Variants in ATM observed in about 807,000 individuals in gnomAD.
The protein encoded by ATM is ATM serine/threonine kinase, also known as serine-protein kinase ATM.
A neutral mutation model predicts 387.0 loss-of-function variants in ATM; 308 were observed. The observed-to-expected ratio is 0.80, with a 90% confidence interval of 0.73 to 0.87. ATM has a LOEUF of 0.87. Ranked by LOEUF, ATM falls within the 40% of genes least tolerant of loss-of-function variation. The probability of loss-of-function intolerance (pLI) is 0.00; values close to 1 mark genes in which losing one functional copy is unlikely to be tolerated. For synonymous variants in ATM, 1,156 were observed against 1,187.3 expected (o/e 0.97, Z 0.54); for missense variants, 3,312 against 3,560.9 (o/e 0.93, Z 1.78).
rs863224293 is a variant in ATM at position 108,307,940 on chromosome 11, A to G, written c.5718A>G (p.Gln1906=). Residue 1906 remains glutamine (Q), a synonymous_variant, in exon 38 of 63, where the codon CAA becomes CAG. Transcript: ENST00000675843. ...FFRCCLDKKS[Q]RTMLAVVDYM... ...GATGCTGTTTGGATAAAAAATCACA[A>G]AGAACAATGCTTGCTGTTGTGGACT... The G allele has an allele frequency of 2.5e-6, 4 of 1,613,852 alleles. No homozygotes were observed. Among genetic ancestry groups the G allele is most frequent in the Middle Eastern group, 1.6e-4 (1 of 6,080 alleles).
At position 108,253,881 on chromosome 11, in the gene ATM, A is replaced by G. The variant is rs1064793032; in HGVS notation, c.1966A>G (p.Thr656Ala). Residue 656 changes from threonine to alanine, a missense_variant, in exon 13 of 63, where the codon ACT (threonine) becomes GCT (alanine). Thr to Ala is a moderately conservative substitution (Grantham distance 58). Transcript: ENST00000675843. ...AGTAGAAGAACTATTTCTTCAGACAACTTTTGACAAGATGGACTTTTTAAC... is the reference window on the plus strand; with the variant it reads ...AGTAGAAGAACTATTTCTTCAGACAGCTTTTGACAAGATGGACTTTTTAAC... Reference protein sequence around the residue: ...SEVEELFLQTTFDKMDFLTIV... With the variant: ...SEVEELFLQTAFDKMDFLTIV... The G allele has an allele frequency of 4.3e-6, 7 of 1,613,968 alleles. No homozygotes were observed. The Admixed American group carries it at 6.7e-5, about 15-fold the overall frequency.
At position 108,368,631 on chromosome 11, in the gene ATM, G is replaced by A. The variant is rs544596323; in HGVS notation, c.*3123G>A. 2.1e-4 allele frequency: 45 copies of A among 217,508 alleles called. No homozygotes were observed. Among genetic ancestry groups the A allele is most frequent in the Middle Eastern group, 1.4e-3 (1 of 694 alleles). The allele number at this position is 217,508 out of a possible 1,614,324, so 13.5% of individuals were successfully genotyped here. A position where few individuals can be genotyped will look rare whatever the true frequency, so the allele number is the denominator to read the frequency against. On this transcript the variant is annotated 3_prime_UTR_variant, in exon 63 of 63. Coordinates refer to ENST00000675843, the MANE Select transcript of ATM (RefSeq NM_000051.4). ...AGAATCTGGGGTTTGCCAGTCAGTT[G>A]CTCAAAAGGTCAATGAAAACCAAAT...
chr11:108,299,908 T>C, intron 34 of ATM, 23 bp downstream of exon 34: 3 of 1,594,814 alleles, frequency 1.9e-6, no homozygotes, highest in East Asian at 2.2e-5. Context: ...TGATACCTTA[T>C]ATGTAATCTC....
intron 54 of ATM, among the ~76,000 whole-genome samples, chr11:108,334,321 T>G (rs1181970976): frequency 6.6e-6 from 1 of 152,190 alleles, no homozygotes; most frequent in Non-Finnish European, 1.5e-5. Context: ...TTTTAAAAAT[T>G]CTATGTGCAG....
intron 15 of ATM, among the ~76,000 whole-genome samples, chr11:108,258,341 T>G (rs2135414967): frequency 6.6e-6 from 1 of 152,352 alleles, no homozygotes; most frequent in Non-Finnish European, 1.5e-5. Context: ...CCTTATGACT[T>G]TTATATACAA....
In ATM at chr11:108,312,424, G is replaced by T. The variant is rs587779852; in HGVS notation, c.5932G>T (p.Glu1978Ter). The change falls in exon 40 of 63, where the codon GAA (glutamate) becomes TAA (stop). Residue 1978 changes from glutamate (E) to a stop codon, truncating the protein, a stop_gained. Coordinates refer to ENST00000675843, the MANE Select transcript of ATM (RefSeq NM_000051.4). LOFTEE classifies it high-confidence loss of function. ...DDQEKRSLAF[E>*]EGSQSTTISS... is the part of the protein sequence containing the mutation. ...TGTGACAAACAGAAGTCTTGCATTT[G>T]AAGAAGGAAGCCAGAGTACAACTAT... The T allele has an allele frequency of 1.7e-5, 27 of 1,595,290 alleles. No individual in the cohort carries two copies. The highest frequency in any genetic ancestry group is 2.2e-5 in the Non-Finnish European group (26 of 1,163,258).
At chr11:108,300,391 T>C (rs768009920) in intron 34 of ATM, among the ~76,000 whole-genome samples, 3 of 152,218 alleles carry the variant, frequency 2.0e-5, no homozygotes, top group Admixed American at 6.5e-5. Context: ...AAATTTCAAC[T>C]GGTTGGTTGA....
Position 108,246,969 on chromosome 11 carries a change from T to C in ATM, c.907T>C (p.Tyr303His). 1 of 1,609,704 alleles carries C rather than the reference T, an allele frequency of 6.2e-7. No individual in the cohort carries two copies. Among genetic ancestry groups the C allele is most frequent in the African/African-American group, 1.3e-5 (1 of 74,954 alleles). Residue 303 changes from tyrosine (Y) to histidine (H), a missense_variant, in exon 8 of 63, where the codon TAT becomes CAT. Physicochemically the swap from Tyr to His is moderately conservative, Grantham distance 83. Around this residue, in one of 4 missense-constraint regions of ATM, gnomAD observed 1,791 missense variants for 1,804.5 expected, o/e 0.99. Coordinates refer to ENST00000675843, the MANE Select transcript of ATM (RefSeq NM_000051.4). Reference sequence around the variant, plus strand: ...TTTAATTTTTTGGATTACAGGTGCTTATGAATCAACAAAATGGAGAAGTAT... The same window carrying C: ...TTTAATTTTTTGGATTACAGGTGCTCATGAATCAACAAAATGGAGAAGTAT... The part of the protein sequence containing the change: ...KGAKTQEKGA[Y>H]ESTKWRSILY...
At chr11:108,261,767 C>A (rs1315096740) in intron 16 of ATM, among the ~76,000 whole-genome samples, 1 of 152,020 alleles carries the variant, frequency 6.6e-6, no homozygotes, top group East Asian at 1.9e-4. Context: ...ACTAGAATAA[C>A]CAATACAGAG....
intron 32 of ATM, 109 bp from the exon 33 acceptor site, chr11:108,297,178 T>C (rs894122911): frequency 2.2e-6 from 2 of 929,474 alleles, no homozygotes; most frequent in African/African-American, 3.3e-5. Context: ...AAAACCTTTT[T>C]TAAACTTTAT....
chr11:108,329,423 T>G, intron 49 of ATM, 185 bp downstream of exon 49: 1 of 611,302 alleles, frequency 1.6e-6, no homozygotes, highest in Non-Finnish European at 2.8e-6. Flanking sequence ...GTTTTTTTTT[T>G]TGAGACAAGG....
At chr11:108,244,417 C>T (rs923352220) in intron 6 of ATM, among the ~76,000 whole-genome samples, 4 of 151,618 alleles carry the variant, frequency 2.6e-5, no homozygotes, top group Non-Finnish European at 4.4e-5. Flanking sequence ...TTTAATATAC[C>T]GAGAATAAAA....
intron 5 of ATM, among the ~76,000 whole-genome samples, chr11:108,237,055 T>C (rs2079314764): frequency 6.6e-6 from 1 of 152,202 alleles, no homozygotes; most frequent in Non-Finnish European, 1.5e-5. Context: ...TTTATTGCCA[T>C]TTTATTATTT....
At position 108,272,564 on chromosome 11, in the gene ATM, C is replaced by A; in HGVS notation, c.3110C>A (p.Ser1037Tyr). ...HLTKERKYIF[S>Y]VRMALVNCLK... ...ACAAAGGAGAGGAAATATATATTCTCTGTAAGAATGGCCCTAGTAAATTGC... is the reference window on the plus strand; with the variant it reads ...ACAAAGGAGAGGAAATATATATTCTATGTAAGAATGGCCCTAGTAAATTGC... The change falls in exon 21 of 63, where the codon TCT becomes TAT. Residue 1037 changes from serine to tyrosine, a missense_variant. Around this residue, in one of 4 missense-constraint regions of ATM, gnomAD observed 1,791 missense variants for 1,804.5 expected, o/e 0.99. Coordinates refer to ENST00000675843, the MANE Select transcript of ATM (RefSeq NM_000051.4). The A allele has an allele frequency of 1.2e-6, 2 of 1,613,682 alleles. No individual in the cohort carries two copies. Among genetic ancestry groups the A allele is most frequent in the South Asian group, 2.2e-5 (2 of 91,070 alleles).
chr11:108,295,259 C>T (rs1288772711), intron 32 of ATM, 200 bp downstream of exon 32: 5 of 630,248 alleles, frequency 7.9e-6, no homozygotes, highest in African/African-American at 7.4e-5. Context: ...TATTCATCCT[C>T]TGCCAGATGA....
Position 108,271,414 on chromosome 11 carries a change from C to A in ATM, c.3077+8C>A, listed in dbSNP as rs752601608. On this transcript the variant is annotated splice_region_variant and intron_variant, in intron 20 of 62. Coordinates refer to ENST00000675843, the MANE Select transcript of ATM (RefSeq NM_000051.4). Reference sequence around the variant, plus strand: ...AGTAATTGGAGCATTTTGGTAGGTACAGTCTATTTTGTGGTCCTATTTTTC... The same window carrying A: ...AGTAATTGGAGCATTTTGGTAGGTAAAGTCTATTTTGTGGTCCTATTTTTC... 1 of 1,613,932 alleles carries A rather than the reference C, an allele frequency of 6.2e-7. No homozygotes were observed. Among genetic ancestry groups the A allele is most frequent in the Non-Finnish European group, 8.5e-7 (1 of 1,179,974 alleles).
At chr11:108,326,294 TA>T in intron 47 of ATM, 69 bp downstream of exon 47, 1 of 1,551,020 alleles carries the variant, frequency 6.4e-7, no homozygotes, top group Non-Finnish European at 8.8e-7. Flanking sequence ...TACTTTAAAA[TA>T]TTTTTAATAA....
At chr11:108,297,434 A>G (rs2083187459) in intron 33 of ATM, 52 bp downstream of exon 33, 6 of 1,368,426 alleles carry the variant, frequency 4.4e-6, no homozygotes, top group Non-Finnish European at 6.3e-6. Context: ...CGGATCACAT[A>G]TAGGACAGAT....
chr11:108,277,233 C>T (rs906648758), intron 22 of ATM, among the ~76,000 whole-genome samples: 12 of 152,244 alleles, frequency 7.9e-5, no homozygotes, highest in Middle Eastern at 3.4e-3. Context: ...GCTTCAGTGT[C>T]CCAGGTCGAC....
Sources: gnomAD v4.1 joint callset for allele counts (sites outside exome capture counted in the v4.1 genomes callset) on GRCh38, gnomAD v4.1.1 for gene constraint, gnomAD v4.1.1 regional missense constraint, MANE v1.5 for transcripts, NCBI Gene and HGNC (gene_info 2026-07-23, HGNC 2026-07-21) for gene names.